Variants in RFX7 observed in about 807,000 individuals in gnomAD.
RFX7 encodes the protein DNA-binding protein RFX7.
RFX7 carries 26 observed loss-of-function variants against 111.8 expected under a neutral mutation model. That is an observed-to-expected ratio of 0.23 (90% confidence interval 0.17 to 0.32). The LOEUF (loss-of-function observed/expected upper bound fraction) is 0.32, where lower values mean the gene tolerates loss of function less well. Ranked by LOEUF, RFX7 falls within the 10% of genes least tolerant of loss-of-function variation. RFX7 has a pLI of 1.00. For missense variants in RFX7, 1,573 were observed against 1,772.9 expected, an observed-to-expected ratio of 0.89 and a Z score of 2.02; for synonymous variants, 624 against 624.4, an observed-to-expected ratio of 1.00 and a Z score of 0.01.
intron 3 of RFX7, among the ~76,000 whole-genome samples, chr15:56,173,843 G>C (rs1178064741): frequency 6.6e-6 from 1 of 151,958 alleles, no homozygotes; most frequent in Non-Finnish European, 1.5e-5. Flanking sequence ...TAGCAATCAA[G>C]GAATTTAAGA....
At chr15:56,170,071 A>C (rs780371183) in intron 3 of RFX7, among the ~76,000 whole-genome samples, 1 of 152,192 alleles carries the variant, frequency 6.6e-6, no homozygotes, top group Admixed American at 6.5e-5. Flanking sequence ...TTTAAACCGC[A>C]GTATGTTTAA....
intron 5 of RFX7, among the ~76,000 whole-genome samples, chr15:56,111,894 ATCACGAGG>A (rs1171316346): frequency 5.9e-5 from 9 of 151,936 alleles, no homozygotes; most frequent in African/African-American, 2.2e-4. Flanking sequence ...AGGCGGGTGG[ATCACGAGG>A]TCAGGAGGTC....
At chr15:56,218,144 C>CTTTTTTTTTT (rs869249448) in intron 2 of RFX7, among the ~76,000 whole-genome samples, 11 of 57,968 alleles carry the variant, frequency 1.9e-4, no homozygotes, top group African/African-American at 2.9e-4. Context: ...AAATGATTTT[C>CTTTTTTTTTT]TTTTTTTTTT....
intron 2 of RFX7, among the ~76,000 whole-genome samples, chr15:56,231,529 A>G (rs2043557858): frequency 6.6e-6 from 1 of 152,134 alleles, no homozygotes; most frequent in African/African-American, 2.4e-5. Flanking sequence ...CCATGATTCA[A>G]TTATCTCCCA....
At chr15:56,148,764 T>A (rs1265616194) in intron 3 of RFX7, among the ~76,000 whole-genome samples, 3 of 152,150 alleles carry the variant, frequency 2.0e-5, no homozygotes, top group Admixed American at 6.5e-5. Context: ...AGTGATGTAA[T>A]TCACTACTCA....
Position 56,094,880 on chromosome 15 carries a change from G to C in RFX7, c.2848C>G (p.Pro950Ala). Residue 950 changes from proline to alanine, a missense_variant, in exon 10 of 10, where the codon CCC becomes GCC. Around this residue, in one of 7 missense-constraint regions of RFX7, gnomAD observed 625 missense variants for 632.2 expected, o/e 0.99. Coordinates refer to ENST00000559447, the MANE Select transcript of RFX7 (RefSeq NM_022841.7). ...SNGTPIHTPT[P>A]TPTPTPTPTP... ...GGAGTAGGAGTGGGTGTGGGTGTGG[G>C]TGTGGGTGTGTGGATTGGAGTGCCA... 6.4e-7 allele frequency: 1 copy of C among 1,558,004 alleles called. No homozygotes were observed. Among genetic ancestry groups the C allele is most frequent in the East Asian group, 2.3e-5 (1 of 42,682 alleles).
chr15:56,197,008 T>A (rs2043151769), intron 2 of RFX7, among the ~76,000 whole-genome samples: 1 of 152,168 alleles, frequency 6.6e-6, no homozygotes, highest in African/African-American at 2.4e-5. Context: ...CAATCTATAC[T>A]CCATCAGCTG....
chr15:56,186,415 C>G (rs1200914386), intron 2 of RFX7, among the ~76,000 whole-genome samples: 2 of 152,022 alleles, frequency 1.3e-5, no homozygotes, highest in African/African-American at 4.8e-5. Flanking sequence ...AAGTAAGCTC[C>G]CCTGATTCCT....
chr15:56,221,517 G>GA (rs1476774196), intron 2 of RFX7, among the ~76,000 whole-genome samples: 3 of 152,072 alleles, frequency 2.0e-5, no homozygotes, highest in African/African-American at 4.8e-5. Flanking sequence ...TATCTAGTCT[G>GA]AAAATCTCTG....
chr15:56,205,645 G>T (rs2043242394), intron 2 of RFX7, among the ~76,000 whole-genome samples: 1 of 152,182 alleles, frequency 6.6e-6, no homozygotes, highest in Admixed American at 6.5e-5. Context: ...GAAAACAGAA[G>T]ATGAGAGAAA....
intron 6 of RFX7, among the ~76,000 whole-genome samples, chr15:56,102,960 A>C (rs1188804002): frequency 1.3e-5 from 2 of 152,192 alleles, no homozygotes. Context: ...AGAAAGAACT[A>C]TAATGAATTC....
In RFX7 at chr15:56,095,454, T is replaced by C. The variant is rs1473326288; in HGVS notation, c.2274A>G (p.Val758=). The change falls in exon 10 of 10, where the codon GTA becomes GTG. Residue 758 remains valine (V), a synonymous_variant. Transcript: ENST00000559447. The stretch of plus-strand genomic sequence containing the variant: ...AGAGAAAGACACTTCCTTCAAGTTT[T>C]ACTTTTATATCTGGAGATGATGATG... ...TTPSSSPDIK[V]KLEGSVFLLD... 1 of 1,612,450 alleles carries C rather than the reference T, an allele frequency of 6.2e-7. No individual in the cohort carries two copies. Among genetic ancestry groups the C allele is most frequent in the Admixed American group, 1.7e-5 (1 of 60,028 alleles).
intron 2 of RFX7, among the ~76,000 whole-genome samples, chr15:56,220,387 T>C (rs867101429): frequency 3.9e-5 from 6 of 152,176 alleles, no homozygotes; most frequent in African/African-American, 1.4e-4. Flanking sequence ...CCTGCCACCA[T>C]GCCCAGCTAA....
chr15:56,097,746 C>CAAAAAAAAAAAAAAAAAAAAAAAAAA (rs67718449), intron 9 of RFX7, among the ~76,000 whole-genome samples: 1 of 47,338 alleles, frequency 2.1e-5, no homozygotes, highest in Non-Finnish European at 3.3e-5. Flanking sequence ...GACTCTGTCT[C>CAAAAAAAAAAAAAAAAAAAAAAAAAA]AAAAAAAAAA....
chr15:56,232,003 G>C (rs1192813980), intron 2 of RFX7, among the ~76,000 whole-genome samples: 1 of 152,206 alleles, frequency 6.6e-6, no homozygotes, highest in Non-Finnish European at 1.5e-5. Flanking sequence ...GGGTTCCCAT[G>C]GTCTTGAGCG....
At chr15:56,171,056 TAGA>T (rs1420440009) in intron 3 of RFX7, among the ~76,000 whole-genome samples, 1 of 152,154 alleles carries the variant, frequency 6.6e-6, no homozygotes, top group Non-Finnish European at 1.5e-5. Flanking sequence ...GTGGAAAGAC[TAGA>T]AGCAGAAAAA....
At chr15:56,177,977 G>C (rs528517067) in intron 3 of RFX7, among the ~76,000 whole-genome samples, 2 of 152,136 alleles carry the variant, frequency 1.3e-5, no homozygotes, top group African/African-American at 4.8e-5. Flanking sequence ...TAAGGGCATG[G>C]AATATGTCTT....
At chr15:56,110,090 T>TGG (rs1262899339) in intron 5 of RFX7, among the ~76,000 whole-genome samples, 2 of 107,402 alleles carry the variant, frequency 1.9e-5, no homozygotes, top group African/African-American at 8.3e-5. Flanking sequence ...GGGAGGGAGG[T>TGG]GGGGGGGTCA....
chr15:56,169,801 G>A (rs778284554), intron 3 of RFX7, among the ~76,000 whole-genome samples: 15 of 145,750 alleles, frequency 1.0e-4, no homozygotes, highest in African/African-American at 1.3e-4. Flanking sequence ...AGTTCCCCAC[G>A]AGCACTCTGG....
Sources: allele counts gnomAD v4.1 joint callset (sites outside exome capture counted in the v4.1 genomes callset), GRCh38; gene constraint gnomAD v4.1.1; regional missense constraint gnomAD v4.1.1; transcripts MANE v1.5; gene names NCBI Gene and HGNC (gene_info 2026-07-23, HGNC 2026-07-21).